KLHDC10: variants seen among roughly 807,000 people sequenced by gnomAD.
KLHDC10 encodes kelch domain-containing protein 10.
A neutral mutation model predicts 56.1 loss-of-function variants in KLHDC10; 24 were observed. The ratio of observed to expected loss-of-function variants is 0.43; its 90% CI spans 0.31 to 0.60. KLHDC10 has a LOEUF of 0.60. KLHDC10 is among the 20% of genes least tolerant of loss of function. KLHDC10 has a pLI of 0.11. For synonymous variants in KLHDC10, 188 were observed against 207.1 expected (o/e 0.91, Z 0.79); for missense variants, 349 against 567.0 (o/e 0.62, Z 3.91).
rs1297517849 is a variant in KLHDC10 at position 130,134,641 on chromosome 7, T to G, written c.*3895T>G. 2 of 152,036 alleles carry G rather than the reference T, an allele frequency of 1.3e-5. No homozygotes were observed. The highest frequency in any genetic ancestry group is 2.9e-5 in the Non-Finnish European group (2 of 67,978). The allele number at this position is 152,036 out of a possible 1,614,324, so 9.4% of individuals were successfully genotyped here. ...GTATTCTGTAAAACCCATTTTTTTT[T>G]TGTGGTCTTACAGATGTTTAGAAAG... On this transcript the variant is annotated 3_prime_UTR_variant, in exon 10 of 10. Coordinates refer to ENST00000335420, the MANE Select transcript of KLHDC10 (RefSeq NM_014997.4).
chr7:130,076,927 C>G (rs1795512423), intron 1 of KLHDC10, among the ~76,000 whole-genome samples: 1 of 152,032 alleles, frequency 6.6e-6, no homozygotes, highest in Admixed American at 6.6e-5. Context: ...TTAGAATTAG[C>G]TAACCAAGTC....
In KLHDC10 at chr7:130,086,439, G is replaced by A. The variant is rs1412147782; in HGVS notation, c.167-10482G>A. ...TAAAATCAAATCGTATGCAAGAGGA[G>A]AAAGTGTCCCTTTCACCTGAGACCC... On this transcript the variant is annotated intron_variant, in intron 1 of 9. Transcript: ENST00000335420. Among the ~76,000 whole-genome samples the A allele has an allele frequency of 2.0e-5, 3 of 152,208 alleles. No homozygotes were observed. The East Asian group carries it at 5.8e-4, about 29-fold the overall frequency.
intron 1 of KLHDC10, among the ~76,000 whole-genome samples, chr7:130,089,740 C>T (rs557895215): frequency 4.6e-5 from 7 of 152,284 alleles, no homozygotes; most frequent in African/African-American, 1.4e-4. Flanking sequence ...TACAACTGTG[C>T]AGCGATTCCA....
chr7:130,092,964 A>G (rs1157034657), intron 1 of KLHDC10, among the ~76,000 whole-genome samples: 1 of 143,738 alleles, frequency 7.0e-6, no homozygotes, highest in Non-Finnish European at 1.5e-5. Flanking sequence ...TCCTCATAGT[A>G]TTAGTCCACT....
chr7:130,114,726 A>T (rs1237698831), intron 2 of KLHDC10, among the ~76,000 whole-genome samples: 1 of 152,144 alleles, frequency 6.6e-6, no homozygotes, highest in Non-Finnish European at 1.5e-5. Flanking sequence ...GTATACACTA[A>T]TATATGAGTA....
At chr7:130,113,676 G>A (rs957516931) in intron 2 of KLHDC10, among the ~76,000 whole-genome samples, 3 of 152,058 alleles carry the variant, frequency 2.0e-5, no homozygotes, top group South Asian at 4.2e-4. Flanking sequence ...ATATGAAACC[G>A]TCTTTTCACA....
chr7:130,126,451 G>A (rs1208143369), intron 7 of KLHDC10, among the ~76,000 whole-genome samples: 4 of 151,376 alleles, frequency 2.6e-5, no homozygotes, highest in Admixed American at 6.6e-5. Context: ...CGAGGTGGGT[G>A]GATCCTTTGA....
rs1488763616 is a variant in KLHDC10 at position 130,132,152 on chromosome 7, T to C, written c.*1406T>C. ...GGGGAGCTGAGCAAGAGGCTCACCA[T>C]GCGCATGTGTAAGCCGCAGGTGTAC... On this transcript the variant is annotated 3_prime_UTR_variant, in exon 10 of 10. Transcript: ENST00000335420. 1 of 152,156 alleles carries C rather than the reference T, an allele frequency of 6.6e-6. No homozygotes were observed. The highest frequency in any genetic ancestry group is 1.5e-5 in the Non-Finnish European group (1 of 68,024). 9.4% of individuals were successfully genotyped at this position (152,156 alleles called of 1,614,324 possible).
chr7:130,091,835 AAAAC>A (rs1487876732), intron 1 of KLHDC10, among the ~76,000 whole-genome samples: 1 of 152,312 alleles, frequency 6.6e-6, no homozygotes, highest in Admixed American at 6.5e-5. Flanking sequence ...ATTTTTTAAA[AAAAC>A]AATCCAATTA....
chr7:130,128,875 T>TAAAAAAAA (rs1164826285), intron 8 of KLHDC10, among the ~76,000 whole-genome samples: 44 of 42,314 alleles, frequency 1.0e-3, no homozygotes, highest in African/African-American at 5.1e-3. Context: ...CCTTGTCTCT[T>TAAAAAAAA]AAAAAAAAAA....
chr7:130,087,993 T>G (rs535096628), intron 1 of KLHDC10, among the ~76,000 whole-genome samples: 1 of 152,064 alleles, frequency 6.6e-6, no homozygotes, highest in South Asian at 2.1e-4. Flanking sequence ...ACTCCTGACC[T>G]CAAGTGATCC....
At chr7:130,103,073 A>C (rs1412934170) in intron 2 of KLHDC10, among the ~76,000 whole-genome samples, 2 of 152,140 alleles carry the variant, frequency 1.3e-5, no homozygotes, top group East Asian at 3.9e-4. Flanking sequence ...GTGATCAAGT[A>C]CCCATTTCAC....
chr7:130,077,353 C>CAA (rs35132418), intron 1 of KLHDC10, among the ~76,000 whole-genome samples: 1,473 of 17,890 alleles, frequency 0.082, 495 homozygotes, highest in Non-Finnish European at 0.087. Context: ...GACTCTGTCT[C>CAA]AAAAAAAAAA....
chr7:130,104,069 C>T (rs919387062), intron 2 of KLHDC10, among the ~76,000 whole-genome samples: 1 of 152,056 alleles, frequency 6.6e-6, no homozygotes, highest in East Asian at 1.9e-4. Flanking sequence ...GCCTGGGCAA[C>T]AGAGCAAGAC....
intron 1 of KLHDC10, 119 bp from the exon 2 acceptor site, chr7:130,096,802 C>T (rs947085793): frequency 3.2e-5 from 20 of 619,118 alleles, no homozygotes; most frequent in Non-Finnish European, 5.4e-5. Context: ...ACGTCACTTT[C>T]TTTCTGTATT....
At position 130,132,094 on chromosome 7, in the gene KLHDC10, T is replaced by C. The variant is rs1156442248; in HGVS notation, c.*1348T>C. On this transcript the variant is annotated 3_prime_UTR_variant, in exon 10 of 10. Transcript: ENST00000335420. ...TTTTTTAATTCTAAAAAGAATGACA[T>C]AAATTTTCACTCGCTTTGCCATCTG... 1 of 151,994 alleles carries C rather than the reference T, an allele frequency of 6.6e-6. No homozygotes were observed. Among genetic ancestry groups the C allele is most frequent in the African/African-American group, 2.4e-5 (1 of 41,372 alleles). The allele number at this position is 151,994 out of a possible 1,614,324, so 9.4% of individuals were successfully genotyped here.
intron 1 of KLHDC10, chr7:130,095,023 T>C (rs1483912278): frequency 6.6e-6 from 1 of 152,120 alleles, no homozygotes; most frequent in Non-Finnish European, 1.5e-5. Context: ...AATTGTTTTG[T>C]GTGTCTGTCT....
chr7:130,101,085 G>A (rs1169560426), intron 2 of KLHDC10, among the ~76,000 whole-genome samples: 1 of 151,340 alleles, frequency 6.6e-6, no homozygotes, highest in Non-Finnish European at 1.5e-5. Flanking sequence ...TTTAGCAACT[G>A]TATGACCTTG....
At chr7:130,081,609 G>C (rs1224681907) in intron 1 of KLHDC10, among the ~76,000 whole-genome samples, 10 of 152,322 alleles carry the variant, frequency 6.6e-5, no homozygotes, top group Non-Finnish European at 1.2e-4. Flanking sequence ...ATGAGCCACT[G>C]CACCCGGCAT....
Sources: allele counts gnomAD v4.1 joint callset (sites outside exome capture counted in the v4.1 genomes callset), GRCh38; gene constraint gnomAD v4.1.1; transcripts MANE v1.5; gene names NCBI Gene and HGNC (gene_info 2026-07-23, HGNC 2026-07-21).